MYSM1: variants seen among roughly 807,000 people sequenced by gnomAD.
The protein encoded by MYSM1 is Myb like, SWIRM and MPN domains 1.
Under a neutral mutation model 116.0 loss-of-function variants are expected in MYSM1, and 51 were observed. The observed-to-expected ratio is 0.44, with a 90% CI of 0.35 to 0.56. The LOEUF (loss-of-function observed/expected upper bound fraction) is 0.56. Among genes scored for constraint, MYSM1 ranks in the 20% least tolerant of loss-of-function variants. MYSM1 has a pLI of 0.00. For synonymous variants in MYSM1, 313 were observed against 315.2 expected (o/e 0.99, Z 0.07); for missense variants, 900 against 974.9 (o/e 0.92, Z 1.02).
Position 58,665,625 on chromosome 1 carries a change from A to G in MYSM1, c.2038T>C (p.Phe680Leu). 1 of 1,547,520 alleles carries G rather than the reference A, an allele frequency of 6.5e-7. No individual in the cohort carries two copies. Among genetic ancestry groups the G allele is most frequent in the Non-Finnish European group, 8.9e-7 (1 of 1,129,146 alleles). Residue 680 changes from phenylalanine to leucine, a missense_variant, in exon 17 of 20, where the codon TTC becomes CTC. By Grantham distance (22) the Phe-to-Leu change is conservative. This residue lies in a region of MYSM1 where 186 missense variants were observed against 196.2 expected (regional missense o/e 0.95). Transcript: ENST00000472487. Reference protein sequence around the residue: ...IDTQAKYQSYFSRGGAKFIGM... With the variant: ...IDTQAKYQSYLSRGGAKFIGM... ...ATGAACTTTGCACCTCCTCTGGAGA[A>G]GTAACTCTACAATGACAAGAAAAAT...
chr1:58,681,637 CT>C, intron 8 of MYSM1, 147 bp downstream of exon 8: 5 of 832,270 alleles, frequency 6.0e-6, no homozygotes, highest in Non-Finnish European at 8.8e-6. Context: ...TTTACCAAAG[CT>C]TTTTTTCATT....
intron 17 of MYSM1, among the ~76,000 whole-genome samples, chr1:58,663,842 T>C (rs1644429655): frequency 1.3e-5 from 2 of 152,206 alleles, no homozygotes; most frequent in Admixed American, 1.3e-4. Context: ...CTTAATTGAG[T>C]CGGCCTGGCT....
chr1:58,666,532 A>AG (rs992657241), intron 16 of MYSM1, among the ~76,000 whole-genome samples: 35 of 151,704 alleles, frequency 2.3e-4, no homozygotes, highest in Admixed American at 7.2e-4. Context: ...ATCAGAAAAA[A>AG]AAATGCATGT....
chr1:58,688,655 C>A (rs1644862151), intron 6 of MYSM1, among the ~76,000 whole-genome samples: 1 of 150,880 alleles, frequency 6.6e-6, no homozygotes, highest in Non-Finnish European at 1.5e-5. Flanking sequence ...CTCAGCTGAT[C>A]ACCCCAACAG....
In MYSM1 at chr1:58,682,415, T is replaced by C. The variant is rs201911526; in HGVS notation, c.629A>G (p.Asn210Ser). Residue 210 changes from asparagine (N) to serine (S), a missense_variant, in exon 8 of 20, where the codon AAT (asparagine) becomes AGT (serine). Asn to Ser is a conservative substitution (Grantham distance 46). Around this residue, in one of 3 missense-constraint regions of MYSM1, gnomAD observed 622 missense variants for 623.7 expected, o/e 1.00. Transcript: ENST00000472487. The stretch of plus-strand genomic sequence containing the variant: ...AGATAACTTTTCAATTTTTACAGCA[T>C]TCAAGTTGGGATCAGCACGTCCCCT... ...CLRGRADPNL[N>S]AVKIEKLSDD... 15 of 1,614,174 alleles carry C rather than the reference T, an allele frequency of 9.3e-6. No individual in the cohort carries two copies. Among genetic ancestry groups the C allele is most frequent in the Non-Finnish European group, 1.3e-5 (15 of 1,180,026 alleles).
At chr1:58,691,148 C>G (rs1341451540) in intron 3 of MYSM1, among the ~76,000 whole-genome samples, 1 of 151,882 alleles carries the variant, frequency 6.6e-6, no homozygotes, top group South Asian at 2.1e-4. Context: ...GGCGTGGTGG[C>G]GGGCGCCTGT....
intron 17 of MYSM1, among the ~76,000 whole-genome samples, chr1:58,662,762 G>T (rs975992180): frequency 1.3e-5 from 2 of 152,104 alleles, no homozygotes; most frequent in Admixed American, 6.6e-5. Context: ...TGTTTGGAAG[G>T]AAAGGGGACA....
intron 3 of MYSM1, among the ~76,000 whole-genome samples, chr1:58,692,036 A>G (rs570194993): frequency 3.9e-5 from 6 of 152,334 alleles, no homozygotes; most frequent in African/African-American, 1.2e-4. Context: ...AAATGAGGAT[A>G]TCGGAAAATT....
intron 11 of MYSM1, among the ~76,000 whole-genome samples, 162 bp downstream of exon 11, chr1:58,673,411 T>C (rs191233152): frequency 1.3e-5 from 2 of 152,340 alleles, no homozygotes. Context: ...ACCAATGCCT[T>C]CTACTTTGGT....
intron 7 of MYSM1, among the ~76,000 whole-genome samples, chr1:58,683,467 G>A (rs1336894288): frequency 6.6e-6 from 1 of 151,948 alleles, no homozygotes; most frequent in Non-Finnish European, 1.5e-5. Flanking sequence ...ATTTTAATGT[G>A]ATACTTGAGA....
chr1:58,681,091 A>T (rs1289194127), intron 8 of MYSM1, among the ~76,000 whole-genome samples: 1 of 152,204 alleles, frequency 6.6e-6, no homozygotes, highest in Non-Finnish European at 1.5e-5. Context: ...CAGCCTCCCA[A>T]AGTGCTGGGA....
chr1:58,673,644 T>C lies in MYSM1; in HGVS notation c.1501A>G (p.Arg501Gly), dbSNP rs1644598625. The part of the protein sequence containing the change: ...LAQRLQSMRT[R>G]RRRVRDPWGN... ...CATGGGTCTCGGACCCTACGTCTCC[T>C]TGTACGCTGCGATGAGATTAAAGTA... The change falls in exon 11 of 20, where the codon AGG becomes GGG. Residue 501 changes from arginine to glycine, a missense_variant. Physicochemically the swap from Arg to Gly is moderately radical, Grantham distance 125. This residue lies in a region of MYSM1 where 622 missense variants were observed against 623.7 expected (regional missense o/e 1.00). Coordinates refer to ENST00000472487, the MANE Select transcript of MYSM1 (RefSeq NM_001085487.3). 3 of 1,613,888 alleles carry C rather than the reference T, an allele frequency of 1.9e-6. No individual in the cohort carries two copies. Among genetic ancestry groups the C allele is most frequent in the Middle Eastern group, 1.7e-4 (1 of 6,060 alleles).
At chr1:58,695,833 C>T (rs938539581) in intron 1 of MYSM1, among the ~76,000 whole-genome samples, 1 of 152,174 alleles carries the variant, frequency 6.6e-6, no homozygotes, top group Non-Finnish European at 1.5e-5. Context: ...AATTATCTCA[C>T]TCGTTTCATT....
Position 58,668,637 on chromosome 1 carries a change from C to T in MYSM1, c.1762G>A (p.Asp588Asn). ...ACACAATAGATTATCCTTACCAAAT[C>T]CATTATTAAAAGTGCTTCTGAAGCC... is the stretch of plus-strand genomic sequence containing the variant. ...KVASEALLIM[D>N]LHAHVSMAEV... is the part of the protein sequence containing the mutation. The change falls in exon 14 of 20, where the codon GAT becomes AAT. Residue 588 changes from aspartate to asparagine, a missense_variant. Around this residue, in one of 3 missense-constraint regions of MYSM1, gnomAD observed 92 missense variants for 155.0 expected, o/e 0.59. Transcript: ENST00000472487. 4 of 1,603,758 alleles carry T rather than the reference C, an allele frequency of 2.5e-6. No homozygotes were observed. The highest frequency in any genetic ancestry group is 3.4e-6 in the Non-Finnish European group (4 of 1,174,958).
intron 6 of MYSM1, 74 bp from the exon 7 acceptor site, chr1:58,685,325 TA>T (rs5774421): frequency 0.45 from 285,993 of 628,746 alleles, 30,324 homozygotes; most frequent in Admixed American, 0.52. Context: ...ACTACCACAT[TA>T]AAAAAAAAAA....
intron 12 of MYSM1, among the ~76,000 whole-genome samples, chr1:58,670,920 C>T (rs1409337110): frequency 6.6e-6 from 1 of 152,122 alleles, no homozygotes; most frequent in Non-Finnish European, 1.5e-5. Flanking sequence ...AAATATAAGT[C>T]TCACATTTAG....
intron 8 of MYSM1, among the ~76,000 whole-genome samples, chr1:58,678,761 C>A (rs1419771248): frequency 6.6e-6 from 1 of 152,126 alleles, no homozygotes; most frequent in Non-Finnish European, 1.5e-5. Context: ...TCTAATTTCC[C>A]TCGACCAGAT....
At chr1:58,695,312 A>G in intron 1 of MYSM1, 105 bp from the exon 2 acceptor site, 5 of 233,262 alleles carry the variant, frequency 2.1e-5, no homozygotes, top group Middle Eastern at 1.3e-3. Flanking sequence ...CTAAGCAAAT[A>G]CTTAGTTCCC....
At position 58,682,472 on chromosome 1, in the gene MYSM1, T is replaced by C; in HGVS notation, c.572A>G (p.Lys191Arg). The change falls in exon 8 of 20, where the codon AAA (lysine) becomes AGA (arginine). Residue 191 changes from lysine (K) to arginine (R), a missense_variant. This residue lies in a region of MYSM1 where 622 missense variants were observed against 623.7 expected (regional missense o/e 1.00). Transcript: ENST00000472487. ...GHNLQVKNED[K>R]GTKAWTPSCL... Reference sequence around the variant, plus strand: ...TGATGGTGTCCATGCCTTTGTCCCTTTATCTTCATTTTTAACTTGAAGATT... The same window carrying C: ...TGATGGTGTCCATGCCTTTGTCCCTCTATCTTCATTTTTAACTTGAAGATT... 1 of 1,613,998 alleles carries C rather than the reference T, an allele frequency of 6.2e-7. No individual in the cohort carries two copies. The highest frequency in any genetic ancestry group is 8.5e-7 in the Non-Finnish European group (1 of 1,179,948).
Sources: gnomAD v4.1 joint callset for allele counts (sites outside exome capture counted in the v4.1 genomes callset) on GRCh38, gnomAD v4.1.1 for gene constraint, gnomAD v4.1.1 regional missense constraint, MANE v1.5 for transcripts, NCBI Gene and HGNC (gene_info 2026-07-23, HGNC 2026-07-21) for gene names.